Variants in SLC43A2 observed in about 807,000 individuals in gnomAD.
SLC43A2 encodes the protein solute carrier family 43 member 2, also known as large neutral amino acids transporter small subunit 4.
Under a neutral mutation model 63.2 loss-of-function variants are expected in SLC43A2, and 38 were observed. The ratio of observed to expected loss-of-function variants is 0.60; its 90% CI spans 0.46 to 0.79. The LOEUF is 0.79. SLC43A2 is among the 30% of genes least tolerant of loss of function. SLC43A2 has a pLI of 0.00. For missense variants in SLC43A2, 644 were observed against 756.2 expected, an observed-to-expected ratio of 0.85 and a Z score of 1.74; for synonymous variants, 322 against 331.0, an observed-to-expected ratio of 0.97 and a Z score of 0.30.
chr17:1,616,782 G>A lies in SLC43A2; in HGVS notation c.161-13C>T, dbSNP rs765868222. 3 of 1,613,056 alleles carry A rather than the reference G, an allele frequency of 1.9e-6. No homozygotes were observed. Among genetic ancestry groups the A allele is most frequent in the Middle Eastern group, 1.7e-4 (1 of 6,054 alleles). On this transcript the variant is annotated splice_polypyrimidine_tract_variant and intron_variant, in intron 2 of 13. Coordinates refer to ENST00000301335, the MANE Select transcript of SLC43A2 (RefSeq NM_152346.3). ...TTGGTGACATTCTCTGTGTGAAGAG[G>A]GAAGGAAACCCTGACCTCAGGGTCA... is the stretch of plus-strand genomic sequence containing the variant.
rs1908841158 is a variant in SLC43A2 at position 1,627,938 on chromosome 17, C to A, written c.-46-18G>T. The stretch of plus-strand genomic sequence containing the variant: ...TGCACCACCTGCGCACAGAACTCGG[C>A]GTCAGCGGCCGGCCCTTGCCCAGCC... On this transcript the variant is annotated intron_variant, in intron 1 of 13. Coordinates refer to ENST00000301335, the MANE Select transcript of SLC43A2 (RefSeq NM_152346.3). 1 of 1,397,110 alleles carries A rather than the reference C, an allele frequency of 7.2e-7. No homozygotes were observed. Among genetic ancestry groups the A allele is most frequent in the Non-Finnish European group, 9.3e-7 (1 of 1,079,688 alleles). The allele number at this position is 1,397,110 out of a possible 1,614,324, so 86.5% of individuals were successfully genotyped here.
In SLC43A2 at chr17:1,593,344, G is replaced by T; in HGVS notation, c.502-65C>A. 1 of 1,454,164 alleles carries T rather than the reference G, an allele frequency of 6.9e-7. No homozygotes were observed. Among genetic ancestry groups the T allele is most frequent in the South Asian group, 1.2e-5 (1 of 85,062 alleles). 90.1% of individuals were successfully genotyped at this position (1,454,164 alleles called of 1,614,324 possible). A position where few individuals can be genotyped will look rare whatever the true frequency, so the allele number is the denominator to read the frequency against. ...GCACCAGGGAAGGGGAGGAGGAGGG[G>T]ACAGAGAACTAGGCCCCATGAGGCC... On this transcript the variant is annotated intron_variant, in intron 5 of 13. Coordinates refer to ENST00000301335, the MANE Select transcript of SLC43A2 (RefSeq NM_152346.3). The surrounding 1 kb of genome is among the most constrained non-coding windows in gnomAD (Gnocchi z 5.3).
rs1438397444 is a variant in SLC43A2, at chr17:1,593,019, C to T, written c.594+168G>A. 1.3e-5 allele frequency among the ~76,000 whole-genome samples: 2 copies of T among 152,190 alleles called. No homozygotes were observed. The highest frequency in any genetic ancestry group is 6.5e-5 in the Admixed American group (1 of 15,278). On this transcript the variant is annotated intron_variant, in intron 6 of 13. Transcript: ENST00000301335. This position sits in a 1 kb window ranked among gnomAD's most constrained non-coding sequence, Gnocchi z 5.3. ...GCGTGATTCCCGTCCCCTGAGGCCC[C>T]GCGGTTTTCATTTGTCGCCCCTGTG...
At chr17:1,612,323 G>A (rs1423693742) in intron 5 of SLC43A2, among the ~76,000 whole-genome samples, 1 of 152,158 alleles carries the variant, frequency 6.6e-6, no homozygotes, top group Non-Finnish European at 1.5e-5. Context: ...ACATCAAGAA[G>A]GAGCATATTT....
rs1344135311 is a variant in SLC43A2, at chr17:1,577,014, G to A, written c.1425-294C>T. Among the ~76,000 whole-genome samples, 6 of 151,990 alleles carry A rather than the reference G, an allele frequency of 3.9e-5. No individual in the cohort carries two copies. Among genetic ancestry groups the A allele is most frequent in the Non-Finnish European group, 7.4e-5 (5 of 67,974 alleles). On this transcript the variant is annotated intron_variant, in intron 12 of 13. Transcript: ENST00000301335. The surrounding 1 kb of genome is among the most constrained non-coding windows in gnomAD (Gnocchi z 4.9). Reference sequence around the variant, plus strand: ...CTAGTAGCTGGGATTACAGGCGCCCGCCACCACATCTGGCTAATTTTTTGT... The same window carrying A: ...CTAGTAGCTGGGATTACAGGCGCCCACCACCACATCTGGCTAATTTTTTGT...
At position 1,577,597 on chromosome 17, in the gene SLC43A2, C is replaced by T. The variant is rs528267877; in HGVS notation, c.1424+653G>A. Among the ~76,000 whole-genome samples, 8 of 152,316 alleles carry T rather than the reference C, an allele frequency of 5.3e-5. No homozygotes were observed. Among genetic ancestry groups the T allele is most frequent in the Non-Finnish European group, 7.4e-5 (5 of 68,024 alleles). On this transcript the variant is annotated intron_variant, in intron 12 of 13. Coordinates refer to ENST00000301335, the MANE Select transcript of SLC43A2 (RefSeq NM_152346.3). This position sits in a 1 kb window ranked among gnomAD's most constrained non-coding sequence, Gnocchi z 4.9. ...TGGCCCAGAGGTGGGAAAGGAATCC[C>T]AGCAACACATGAGCTGGTCCCACAT...
Position 1,591,620 on chromosome 17 carries a change from C to G in SLC43A2, c.674G>C (p.Cys225Ser). Residue 225 changes from cysteine (C) to serine (S), a missense_variant, in exon 7 of 14, where the codon TGC (cysteine) becomes TCC (serine). Physicochemically the swap from Cys to Ser is moderately radical, Grantham distance 112. Coordinates refer to ENST00000301335, the MANE Select transcript of SLC43A2 (RefSeq NM_152346.3). ...GGGCTCAAGGGGCCAGTTAAAGAAG[C>G]AGTTGAGGAAAACCAGCCCGGAGCA... is the stretch of plus-strand genomic sequence containing the variant. ...AGCSGLVFLN[C>S]FFNWPLEPFP... 6.5e-7 allele frequency: 1 copy of G among 1,549,028 alleles called. No homozygotes were observed. Among genetic ancestry groups the G allele is most frequent in the South Asian group, 1.2e-5 (1 of 84,030 alleles).
intron 5 of SLC43A2, among the ~76,000 whole-genome samples, chr17:1,600,152 A>ATATATATATATATATATATATATATT (rs1216616243): frequency 1.7e-5 from 1 of 60,282 alleles, no homozygotes; most frequent in Non-Finnish European, 3.2e-5. Flanking sequence ...ATATATATAT[A>ATATATATATATATATATATATATATT]TTTTTTTTTT....
chr17:1,591,507 G>C, intron 7 of SLC43A2, 36 bp from the exon 8 acceptor site: 1 of 1,611,486 alleles, frequency 6.2e-7, no homozygotes, highest in Non-Finnish European at 8.5e-7. Flanking sequence ...GGTGCTGCCC[G>C]GGACCCCGGC....
At chr17:1,610,235 T>G (rs1211419005) in intron 5 of SLC43A2, among the ~76,000 whole-genome samples, 1 of 150,160 alleles carries the variant, frequency 6.7e-6, no homozygotes, top group African/African-American at 2.5e-5. Context: ...AGAAGTTTAG[T>G]CTACAATTCA....
intron 2 of SLC43A2, among the ~76,000 whole-genome samples, chr17:1,621,025 T>G (rs1169121591): frequency 6.6e-6 from 1 of 152,108 alleles, no homozygotes; most frequent in Non-Finnish European, 1.5e-5. Flanking sequence ...CAGCCCAGCC[T>G]GGCCAGAGAA....
chr17:1,579,008 G>A (rs1018252514), intron 11 of SLC43A2, among the ~76,000 whole-genome samples: 14 of 151,996 alleles, frequency 9.2e-5, no homozygotes, highest in African/African-American at 3.4e-4. Context: ...GGGCGTGGTG[G>A]TGGGCACCTG....
intron 5 of SLC43A2, among the ~76,000 whole-genome samples, chr17:1,610,457 C>A (rs1906993623): frequency 6.9e-6 from 1 of 145,892 alleles, no homozygotes; most frequent in Non-Finnish European, 1.5e-5. Context: ...ATTGGAGAGA[C>A]AAGGTGTCTC....
At chr17:1,613,389 G>T in intron 4 of SLC43A2, 118 bp from the exon 5 acceptor site, 1 of 803,808 alleles carries the variant, frequency 1.2e-6, no homozygotes, top group Non-Finnish European at 2.1e-6. Context: ...CGCAGGCCGG[G>T]GTTAGTACCT....
In SLC43A2 at chr17:1,591,654, A is replaced by G; in HGVS notation, c.640T>C (p.Trp214Arg). The change falls in exon 7 of 14, where the codon TGG becomes CGG. Residue 214 changes from tryptophan (W) to arginine (R), a missense_variant. Trp to Arg is a moderately radical substitution (Grantham distance 101, BLOSUM62 -3). Transcript: ENST00000301335. ...GVSFIVVLVV[W>R]AGCSGLVFLN... ...AAAACCAGCCCGGAGCAGCCGGCCC[A>G]GACCACGAGGACGACGATGAAGGAG... The G allele has an allele frequency of 6.8e-7, 1 of 1,471,086 alleles. No individual in the cohort carries two copies. The highest frequency in any genetic ancestry group is 2.8e-5 in the East Asian group (1 of 35,970). 91.1% of individuals were successfully genotyped at this position (1,471,086 alleles called of 1,614,324 possible).
Position 1,593,443 on chromosome 17 carries a change from G to A in SLC43A2, c.502-164C>T, listed in dbSNP as rs1398121562. On this transcript the variant is annotated intron_variant, in intron 5 of 13. Coordinates refer to ENST00000301335, the MANE Select transcript of SLC43A2 (RefSeq NM_152346.3). The surrounding 1 kb of genome is among the most constrained non-coding windows in gnomAD (Gnocchi z 5.3). ...CAGGGGCAATGACCGCTCACTGAAG[G>A]TTTCTCCTTCATGGACTGAGGCTGA... Among the ~76,000 whole-genome samples, 1 of 152,140 alleles carries A rather than the reference G, an allele frequency of 6.6e-6. No individual in the cohort carries two copies. Among genetic ancestry groups the A allele is most frequent in the Non-Finnish European group, 1.5e-5 (1 of 68,036 alleles).
At chr17:1,589,429 A>C (rs1009879166) in intron 9 of SLC43A2, among the ~76,000 whole-genome samples, 1 of 152,018 alleles carries the variant, frequency 6.6e-6, no homozygotes, top group East Asian at 1.9e-4. Flanking sequence ...ACACAGCAAG[A>C]CCCTATCTCT....
chr17:1,570,599 G>C lies in SLC43A2; in HGVS notation c.*5005C>G, dbSNP rs1338990163. 1 of 146,806 alleles carries C rather than the reference G, an allele frequency of 6.8e-6. No individual in the cohort carries two copies. Among genetic ancestry groups the C allele is most frequent in the Non-Finnish European group, 1.5e-5 (1 of 66,812 alleles). 9.1% of individuals were successfully genotyped at this position (146,806 alleles called of 1,614,324 possible). On this transcript the variant is annotated 3_prime_UTR_variant, in exon 14 of 14. Transcript: ENST00000301335. ...CCTCCCGGGTTCACACCATTCTCCT[G>C]CCTCAGCCTCCCAAGTAGCTGGGAC...
At chr17:1,601,515 C>A (rs1050021588) in intron 5 of SLC43A2, among the ~76,000 whole-genome samples, 1 of 151,990 alleles carries the variant, frequency 6.6e-6, no homozygotes, top group East Asian at 1.9e-4. Flanking sequence ...GATGCAAAGG[C>A]GCTACTGAGC....
Sources: allele counts gnomAD v4.1 joint callset (sites outside exome capture counted in the v4.1 genomes callset), GRCh38; gene constraint gnomAD v4.1.1; non-coding constraint Gnocchi (gnomAD v3.1); transcripts MANE v1.5; gene names NCBI Gene and HGNC (gene_info 2026-07-23, HGNC 2026-07-21).